Variants in CELA1 observed in about 807,000 individuals in gnomAD.
CELA1 encodes the protein chymotrypsin-like elastase family member 1.
In CELA1, 28 loss-of-function variants were observed where a neutral mutation model predicts 34.8. That is an observed-to-expected ratio of 0.80 (90% CI 0.60 to 1.10). The LOEUF (loss-of-function observed/expected upper bound fraction) is 1.10, where lower values mean the gene tolerates loss of function less well. Among genes scored for constraint, CELA1 ranks in the 50% least tolerant of loss-of-function variants. The pLI, the probability that CELA1 is intolerant of heterozygous loss-of-function variation, is 0.00. For missense variants in CELA1, 288 were observed against 327.5 expected, an observed-to-expected ratio of 0.88 and a Z score of 0.93; for synonymous variants, 140 against 129.8, an observed-to-expected ratio of 1.08 and a Z score of -0.53.
At chr12:51,336,210 C>T (rs1411713449) in intron 6 of CELA1, among the ~76,000 whole-genome samples, 3 of 152,220 alleles carry the variant, frequency 2.0e-5, no homozygotes, top group African/African-American at 2.4e-5. Flanking sequence ...ATCCCTGAAA[C>T]ACTCAAGTAT....
In CELA1 at chr12:51,345,839, C is replaced by T. The variant is rs1490458983; in HGVS notation, c.55G>A (p.Val19Ile). 6 of 1,559,756 alleles carry T rather than the reference C, an allele frequency of 3.8e-6. No individual in the cohort carries two copies. Among genetic ancestry groups the T allele is most frequent in the Admixed American group, 3.8e-5 (2 of 52,156 alleles). ...TQDLPETNAR[V>I]VGGTEAGRNS... ...CTCCCGGCCTCAGTCCCTCCGACTA[C>T]GCGGGCATTGGTTTCCGGAAGGTCC... Residue 19 changes from valine to isoleucine, a missense_variant, in exon 2 of 8, where the codon GTA becomes ATA. Transcript: ENST00000293636.
At chr12:51,341,464 G>T in intron 4 of CELA1, 84 bp from the exon 5 acceptor site, 1 of 1,477,182 alleles carries the variant, frequency 6.8e-7, no homozygotes, top group Non-Finnish European at 9.3e-7. Flanking sequence ...CTAAGCATTT[G>T]TATCCCCGTG....
chr12:51,334,459 A>T (rs537444674), intron 6 of CELA1, among the ~76,000 whole-genome samples: 1 of 151,906 alleles, frequency 6.6e-6, no homozygotes, highest in Non-Finnish European at 1.5e-5. Context: ...TTTGAGACAG[A>T]GTCTTGCTCT....
At chr12:51,330,430 A>G (rs933871976) in intron 6 of CELA1, among the ~76,000 whole-genome samples, 4 of 152,216 alleles carry the variant, frequency 2.6e-5, no homozygotes, top group Admixed American at 6.5e-5. Context: ...TGCCAGGTCC[A>G]TAATGCCACA....
chr12:51,328,585 A>C lies in CELA1; in HGVS notation c.769T>G (p.Ser257Ala). Residue 257 changes from serine (S) to alanine (A), a missense_variant, in exon 8 of 8, where the codon TCC (serine) becomes GCC (alanine). Ser to Ala is a moderately conservative substitution (Grantham distance 99). Coordinates refer to ENST00000293636, the MANE Select transcript of CELA1 (RefSeq NM_001971.6). ...YISWINNVIA[S>A]N Reference sequence around the variant, plus strand: ...TGGACTCAGGAAAATGTTCAGTTGGAGGCGATGACCTGAAGGAAAGACAGT... The same window carrying C: ...TGGACTCAGGAAAATGTTCAGTTGGCGGCGATGACCTGAAGGAAAGACAGT... The C allele has an allele frequency of 4.3e-6, 7 of 1,614,126 alleles. No homozygotes were observed. The highest frequency in any genetic ancestry group is 5.9e-6 in the Non-Finnish European group (7 of 1,179,996).
intron 6 of CELA1, among the ~76,000 whole-genome samples, chr12:51,333,006 T>C (rs1946479184): frequency 6.6e-6 from 1 of 151,928 alleles, no homozygotes; most frequent in Non-Finnish European, 1.5e-5. Context: ...TTCGGCTCAC[T>C]GCAACCACCA....
chr12:51,345,796 T>C lies in CELA1; in HGVS notation c.98A>G (p.Gln33Arg), dbSNP rs377124562. Residue 33 changes from glutamine (Q) to arginine (R), a missense_variant and splice_region_variant, in exon 2 of 8, where the codon CAG (glutamine) becomes CGG (arginine). Gln to Arg is a conservative substitution (Grantham distance 43). Transcript: ENST00000293636. The stretch of plus-strand genomic sequence containing the variant: ...CTGGGGCTGGGAAGGAACACCCACC[T>C]GAGAGGGCCAGGAATTCCTCCCGGC... ...TEAGRNSWPS[Q>R]ISLQYRSGGS... is the part of the protein sequence containing the mutation. 3 of 1,554,924 alleles carry C rather than the reference T, an allele frequency of 1.9e-6. No individual in the cohort carries two copies. The highest frequency in any genetic ancestry group is 2.7e-5 in the African/African-American group (2 of 73,268).
chr12:51,332,191 A>G (rs1328928135), intron 6 of CELA1, among the ~76,000 whole-genome samples: 2 of 151,766 alleles, frequency 1.3e-5, no homozygotes, highest in African/African-American at 4.8e-5. Flanking sequence ...TCTCTTTAAA[A>G]AAAAAAAAAA....
At chr12:51,339,768 G>A in intron 6 of CELA1, 92 bp downstream of exon 6, 1 of 1,306,466 alleles carries the variant, frequency 7.7e-7, no homozygotes, top group Non-Finnish European at 1.1e-6. Flanking sequence ...GTAGGACTAA[G>A]AGTAAGTGTC....
chr12:51,335,919 G>A (rs1218519538), intron 6 of CELA1, among the ~76,000 whole-genome samples: 1 of 152,130 alleles, frequency 6.6e-6, no homozygotes, highest in Non-Finnish European at 1.5e-5. Context: ...TTACAGGCAT[G>A]AGCTACTACA....
intron 6 of CELA1, among the ~76,000 whole-genome samples, chr12:51,335,849 C>G (rs905825817): frequency 6.6e-6 from 1 of 152,058 alleles, no homozygotes; most frequent in Non-Finnish European, 1.5e-5. Flanking sequence ...ATTTCCCAGG[C>G]TGGTCTCTAA....
At chr12:51,329,620 C>T (rs1946456660) in intron 7 of CELA1, 64 bp downstream of exon 7, 1 of 1,477,200 alleles carries the variant, frequency 6.8e-7, no homozygotes, top group Non-Finnish European at 9.0e-7. Context: ...GTTTGTTCCC[C>T]AACCCAGCCA....
intron 1 of CELA1, 118 bp from the exon 2 acceptor site, chr12:51,345,995 C>A: frequency 1.4e-6 from 1 of 691,016 alleles, no homozygotes; most frequent in Non-Finnish European, 2.4e-6. Flanking sequence ...TTCACAGTTC[C>A]TCTCTAACGA....
Position 51,343,859 on chromosome 12 carries a change from TG to T in CELA1, c.100-7del. ...GACCGGTACTGGAGGGAAATCTAGA[TG>T]GGGAGGAAAGAAAGAAGGGATAGGT... On this transcript the variant is annotated splice_polypyrimidine_tract_variant and splice_region_variant and intron_variant, in intron 2 of 7. Transcript: ENST00000293636. 6.6e-7 allele frequency: 1 copy of T among 1,511,940 alleles called. No individual in the cohort carries two copies. Among genetic ancestry groups the T allele is most frequent in the Non-Finnish European group, 9.2e-7 (1 of 1,090,944 alleles). The allele number at this position is 1,511,940 out of a possible 1,614,324, so 93.7% of individuals were successfully genotyped here. A position where few individuals can be genotyped will look rare whatever the true frequency, so the allele number is the denominator to read the frequency against.
intron 6 of CELA1, among the ~76,000 whole-genome samples, chr12:51,331,206 T>C (rs1293734651): frequency 1.3e-5 from 2 of 150,994 alleles, no homozygotes; most frequent in Admixed American, 6.6e-5. Flanking sequence ...GCCAACACAG[T>C]GAAACCCCTA....
intron 6 of CELA1, among the ~76,000 whole-genome samples, chr12:51,337,921 C>A (rs1426946687): frequency 7.1e-6 from 1 of 140,262 alleles, no homozygotes; most frequent in Non-Finnish European, 1.5e-5. Context: ...AAAAAAAAAA[C>A]AAATATATAT....
At chr12:51,342,477 A>C (rs1454501036) in intron 4 of CELA1, 98 bp downstream of exon 4, 1 of 1,545,008 alleles carries the variant, frequency 6.5e-7, no homozygotes, top group African/African-American at 1.4e-5. Flanking sequence ...CAGGCCATGC[A>C]ATCCCTCTAG....
At chr12:51,338,190 A>G (rs1297812611) in intron 6 of CELA1, among the ~76,000 whole-genome samples, 2 of 150,196 alleles carry the variant, frequency 1.3e-5, no homozygotes, top group African/African-American at 2.4e-5. Context: ...GTGAGCTGAG[A>G]TTGCGCCACT....
intron 7 of CELA1, among the ~76,000 whole-genome samples, chr12:51,329,330 G>GCC (rs1946454316): frequency 6.6e-6 from 1 of 151,950 alleles, no homozygotes; most frequent in Admixed American, 6.6e-5. Flanking sequence ...GGAAGTCGGT[G>GCC]CCTCCTTCCC....
Sources: allele counts gnomAD v4.1 joint callset (sites outside exome capture counted in the v4.1 genomes callset), GRCh38; gene constraint gnomAD v4.1.1; transcripts MANE v1.5; gene names NCBI Gene and HGNC (gene_info 2026-07-23, HGNC 2026-07-21).